EHBP1: variants seen among roughly 807,000 people sequenced by gnomAD.
The protein encoded by EHBP1 is EH domain binding protein 1.
Under a neutral mutation model 144.0 loss-of-function variants are expected in EHBP1, and 55 were observed. The observed-to-expected ratio is 0.38, with a 90% CI of 0.31 to 0.48. The LOEUF is 0.48. Ranked by LOEUF, EHBP1 falls within the 20% of genes least tolerant of loss-of-function variation. The probability of loss-of-function intolerance (pLI) is 0.98; values close to 1 mark genes in which losing one functional copy is unlikely to be tolerated. For synonymous variants in EHBP1, 469 were observed against 472.7 expected, an observed-to-expected ratio of 0.99 and a Z score of 0.10; for missense variants, 1,200 against 1,364.2, an observed-to-expected ratio of 0.88 and a Z score of 1.90.
chr2:62,811,960 G>A (rs1352433969), intron 5 of EHBP1, among the ~76,000 whole-genome samples: 4 of 152,150 alleles, frequency 2.6e-5, no homozygotes, highest in African/African-American at 9.7e-5. Context: ...AGTGTTGAGA[G>A]GTGGGACCTT....
At chr2:62,705,263 C>T (rs2034433867), upstream of EHBP1, among the ~76,000 whole-genome samples, 5 of 151,996 alleles carry the variant, frequency 3.3e-5, no homozygotes, top group Non-Finnish European at 7.4e-5. Context: ...AGGAGAGAAA[C>T]CCACAGGCAG....
At chr2:62,904,797 C>G (rs779947093) in intron 10 of EHBP1, among the ~76,000 whole-genome samples, 2 of 151,730 alleles carry the variant, frequency 1.3e-5, no homozygotes, top group Middle Eastern at 3.2e-3. Context: ...TCTTTTTTTG[C>G]GGGGGATGGA....
intron 1 of EHBP1, among the ~76,000 whole-genome samples, chr2:62,692,371 T>A (rs2033936134): frequency 1.3e-5 from 2 of 152,340 alleles, no homozygotes; most frequent in South Asian, 4.1e-4. Context: ...GACATATGCA[T>A]CCACTTCTCT....
chr2:62,855,890 G>A (rs1175047370), intron 7 of EHBP1, among the ~76,000 whole-genome samples: 2 of 152,254 alleles, frequency 1.3e-5, no homozygotes, highest in South Asian at 4.1e-4. Flanking sequence ...TGCCTGTAAA[G>A]AGGAGCAAGC....
chr2:62,707,583 A>G (rs967101086), intron 2 of EHBP1, among the ~76,000 whole-genome samples: 1 of 152,212 alleles, frequency 6.6e-6, no homozygotes, highest in African/African-American at 2.4e-5. Flanking sequence ...TAGTGTTAAA[A>G]TAACTTTGAT....
At chr2:62,805,701 G>A (rs1183606337) in intron 5 of EHBP1, among the ~76,000 whole-genome samples, 2 of 151,906 alleles carry the variant, frequency 1.3e-5, no homozygotes, top group Non-Finnish European at 2.9e-5. Context: ...ATTTTTGTTG[G>A]AGACAGGATT....
intron 2 of EHBP1, among the ~76,000 whole-genome samples, chr2:62,734,037 T>G (rs1022296434): frequency 3.3e-5 from 5 of 152,194 alleles, no homozygotes; most frequent in African/African-American, 1.2e-4. Context: ...GTTTGTTTTT[T>G]TATGTTGTGG....
chr2:62,714,211 C>G (rs907230384), intron 2 of EHBP1, among the ~76,000 whole-genome samples: 2 of 152,152 alleles, frequency 1.3e-5, no homozygotes, highest in Admixed American at 6.5e-5. Flanking sequence ...CATGGTGAGA[C>G]CCTATCTCTT....
chr2:63,023,302 A>G (rs1250411227), intron 19 of EHBP1, among the ~76,000 whole-genome samples: 1 of 152,108 alleles, frequency 6.6e-6, no homozygotes, highest in Non-Finnish European at 1.5e-5. Flanking sequence ...ATTTGGAGGA[A>G]TTTTTTAGAG....
intron 2 of EHBP1, among the ~76,000 whole-genome samples, chr2:62,743,519 G>T (rs946946939): frequency 3.3e-5 from 5 of 152,042 alleles, no homozygotes; most frequent in African/African-American, 1.2e-4. Context: ...GCTCAGCATG[G>T]TGTCAGGAAC....
intron 21 of EHBP1, among the ~76,000 whole-genome samples, chr2:63,040,180 A>G (rs1273623368): frequency 6.7e-6 from 1 of 150,160 alleles, no homozygotes; most frequent in Non-Finnish European, 1.5e-5. Context: ...ATGTTTATAT[A>G]TAGTATATAT....
intron 7 of EHBP1, among the ~76,000 whole-genome samples, chr2:62,832,378 G>A (rs1239874208): frequency 6.7e-6 from 1 of 149,706 alleles, no homozygotes; most frequent in Non-Finnish European, 1.5e-5. Context: ...CTCATTACAG[G>A]CATAGTTTGT....
intron 1 of EHBP1, among the ~76,000 whole-genome samples, chr2:62,686,259 C>T (rs2033715068): frequency 6.6e-6 from 1 of 152,186 alleles, no homozygotes; most frequent in African/African-American, 2.4e-5. Flanking sequence ...TGCATGATTG[C>T]AACCCATAAA....
intron 3 of EHBP1, among the ~76,000 whole-genome samples, chr2:62,752,450 A>G (rs933775061): frequency 1.3e-5 from 2 of 152,172 alleles, no homozygotes; most frequent in Non-Finnish European, 2.9e-5. Context: ...AAGAATGTAT[A>G]TTCTGTTGAT....
chr2:62,867,972 T>A (rs2050170477), intron 9 of EHBP1, among the ~76,000 whole-genome samples: 1 of 152,088 alleles, frequency 6.6e-6, no homozygotes, highest in Non-Finnish European at 1.5e-5. Context: ...GCTAGAACAA[T>A]TAAATGTCCA....
intron 1 of EHBP1, among the ~76,000 whole-genome samples, chr2:62,681,606 C>T (rs2033534096): frequency 6.6e-6 from 1 of 151,670 alleles, no homozygotes; most frequent in Non-Finnish European, 1.5e-5. Flanking sequence ...TTATAGCCAA[C>T]CCTGTTTTGT....
At position 63,016,180 on chromosome 2, in the gene EHBP1, A is replaced by G. The variant is rs147842560; in HGVS notation, c.3103+19414A>G. On this transcript the variant is annotated intron_variant, in intron 19 of 22. Coordinates refer to ENST00000431489, the MANE Select transcript of EHBP1 (RefSeq NM_001142616.3). ...ACAATTTTCAGAGGCAATAAGCCAC[A>G]TCTGTTGATAGACTCTAAGAGTTGA... Among the ~76,000 whole-genome samples the G allele has an allele frequency of 9.2e-5, 14 of 152,294 alleles. No homozygotes were observed. The East Asian group carries it at 2.7e-3, about 29-fold the overall frequency.
At chr2:62,694,692 G>A (rs916578157) in intron 1 of EHBP1, among the ~76,000 whole-genome samples, 1 of 152,102 alleles carries the variant, frequency 6.6e-6, no homozygotes, top group Non-Finnish European at 1.5e-5. Flanking sequence ...ACCTCCAGTA[G>A]CCAACTATCA....
intron 1 of EHBP1, among the ~76,000 whole-genome samples, chr2:62,686,737 C>G (rs907789250): frequency 6.6e-6 from 1 of 152,164 alleles, no homozygotes; most frequent in African/African-American, 2.4e-5. Flanking sequence ...TTTAATATTG[C>G]ACACCATTTA....
Sources: allele counts gnomAD v4.1 joint callset (sites outside exome capture counted in the v4.1 genomes callset), GRCh38; gene constraint gnomAD v4.1.1; transcripts MANE v1.5; gene names NCBI Gene and HGNC (gene_info 2026-07-23, HGNC 2026-07-21).